SMARCA4: variants seen among roughly 807,000 people sequenced by gnomAD.
SMARCA4 encodes SWI/SNF related BAF chromatin remodeling complex subunit ATPase 4, also known as SWI/SNF-related matrix-associated actin-dependent regulator of chromatin subfamily A member 4.
A neutral mutation model predicts 193.9 loss-of-function variants in SMARCA4; 31 were observed. That is an observed-to-expected ratio of 0.16 (90% CI 0.12 to 0.22). The LOEUF (loss-of-function observed/expected upper bound fraction) is 0.22. Among genes scored for constraint, SMARCA4 ranks in the 10% least tolerant of loss-of-function variants. The pLI, the probability that SMARCA4 is intolerant of heterozygous loss-of-function variation, is 1.00. For synonymous variants in SMARCA4, 942 were observed against 933.1 expected, an observed-to-expected ratio of 1.01 and a Z score of -0.17; for missense variants, 1,148 against 2,296.0, an observed-to-expected ratio of 0.50 and a Z score of 10.22.
Position 10,984,309 on chromosome 19 carries a change from G to A in SMARCA4, c.158G>A (p.Gly53Glu), listed in dbSNP as rs1298750034. 1 of 1,606,978 alleles carries A rather than the reference G, an allele frequency of 6.2e-7. No homozygotes were observed. The change falls in exon 2 of 35, where the codon GGA (glycine) becomes GAA (glutamate). Residue 53 changes from glycine (G) to glutamate (E), a missense_variant. Gly to Glu is a moderately conservative substitution (Grantham distance 98). Transcript: ENST00000344626. The surrounding 1 kb of genome is among the most constrained non-coding windows in gnomAD (Gnocchi z 4.3). Reference sequence around the variant, plus strand: ...CCCAGCCCAGGGCCGCCCTCAGCAGGACACCCCATCCCCACCCAGGGGCCT... The same window carrying A: ...CCCAGCCCAGGGCCGCCCTCAGCAGAACACCCCATCCCCACCCAGGGGCCT... ...MGPSPGPPSA[G>E]HPIPTQGPGG...
intron 25 of SMARCA4, chr19:11,032,356 C>G (rs1473773668): frequency 6.6e-6 from 1 of 152,258 alleles, no homozygotes; most frequent in Non-Finnish European, 1.5e-5. Flanking sequence ...TCGTACTGTG[C>G]TGGGGTGATG....
At chr19:10,971,796 G>C (rs565947837) in intron 1 of SMARCA4, among the ~76,000 whole-genome samples, 17 of 148,366 alleles carry the variant, frequency 1.1e-4, no homozygotes, top group African/African-American at 3.7e-4. Flanking sequence ...TTTTTTGGAG[G>C]GGGGAGATGG....
At chr19:11,018,921 G>T (rs759387378) in intron 16 of SMARCA4, 36 bp from the exon 17 acceptor site, 101 of 1,582,750 alleles carry the variant, frequency 6.4e-5, no homozygotes, top group Non-Finnish European at 8.4e-5. Flanking sequence ...ATTGATGAGA[G>T]ACCGGCACTT....
chr19:11,060,428 G>A (rs1246877497), intron 34 of SMARCA4: 1 of 600,058 alleles, frequency 1.7e-6, no homozygotes, highest in Non-Finnish European at 3.0e-6. Context: ...TCTGGGGACT[G>A]GGGGACACGT....
rs762209441 is a variant in SMARCA4 at position 11,031,040 on chromosome 19, T to C, written c.3546+147T>C. The C allele has an allele frequency of 1.3e-5, 10 of 748,432 alleles. No homozygotes were observed. The highest frequency in any genetic ancestry group is 2.0e-5 in the Admixed American group (1 of 49,146). 46.4% of individuals were successfully genotyped at this position (748,432 alleles called of 1,614,324 possible). On this transcript the variant is annotated intron_variant, in intron 25 of 34. Transcript: ENST00000344626. The surrounding 1 kb of genome is among the most constrained non-coding windows in gnomAD (Gnocchi z 4.3). ...GGGAGGAGCTGCACCCATATCTCCATAGGTCATCAGGGAGAAAAGAGGCGG... is the reference window on the plus strand; with the variant it reads ...GGGAGGAGCTGCACCCATATCTCCACAGGTCATCAGGGAGAAAAGAGGCGG...
At position 11,041,417 on chromosome 19, in the gene SMARCA4, C is replaced by T. The variant is rs1240105869; in HGVS notation, c.4281C>T (p.Ser1427=). 1 of 1,612,260 alleles carries T rather than the reference C, an allele frequency of 6.2e-7. No individual in the cohort carries two copies. The highest frequency in any genetic ancestry group is 1.7e-5 in the Admixed American group (1 of 60,016). Residue 1427 remains serine (S), a synonymous_variant, in exon 30 of 35, where the codon AGC becomes AGT. Transcript: ENST00000344626. This position sits in a 1 kb window ranked among gnomAD's most constrained non-coding sequence, Gnocchi z 5.6. ...SDAGSSTPTT[S]TRSRDKDDES... is the part of the protein sequence containing the mutation. ...CCGGCTCCTCCACCCCGACCACCAG[C>T]ACCCGCAGCCGCGACAAGGACGACG...
intron 29 of SMARCA4, among the ~76,000 whole-genome samples, chr19:11,038,606 C>T (rs1210633023): frequency 6.6e-6 from 1 of 152,126 alleles, no homozygotes; most frequent in African/African-American, 2.4e-5. Flanking sequence ...CGTTTGTTAC[C>T]CCACTTGTGG....
At position 11,041,134 on chromosome 19, in the gene SMARCA4, A is replaced by G. The variant is rs1600463211; in HGVS notation, c.4171-173A>G. ...CAGTGCTGGTCTTTCACTGCAGCCC[A>G]GGCACCCCTTGAGAGTCCCAGTGTG... On this transcript the variant is annotated intron_variant, in intron 29 of 34. Transcript: ENST00000344626. The surrounding 1 kb of genome is among the most constrained non-coding windows in gnomAD (Gnocchi z 5.6). The G allele has an allele frequency of 4.4e-6, 3 of 676,906 alleles. No homozygotes were observed. The highest frequency in any genetic ancestry group is 1.8e-5 in the African/African-American group (1 of 55,726). 41.9% of individuals were successfully genotyped at this position (676,906 alleles called of 1,614,324 possible). A position where few individuals can be genotyped will look rare whatever the true frequency, so the allele number is the denominator to read the frequency against.
At chr19:11,001,013 C>T (rs1350592346) in intron 11 of SMARCA4, among the ~76,000 whole-genome samples, 2 of 152,044 alleles carry the variant, frequency 1.3e-5, no homozygotes, top group South Asian at 2.1e-4. Flanking sequence ...CAGTGGTACT[C>T]AGCCTCTGTT....
At chr19:11,013,847 C>A (rs940493171) in intron 16 of SMARCA4, among the ~76,000 whole-genome samples, 1 of 152,152 alleles carries the variant, frequency 6.6e-6, no homozygotes, top group Non-Finnish European at 1.5e-5. Context: ...GGGATCCGGA[C>A]ACCCTGAGAG....
At chr19:10,963,841 C>A (rs2084004984) in intron 1 of SMARCA4, among the ~76,000 whole-genome samples, 1 of 151,068 alleles carries the variant, frequency 6.6e-6, no homozygotes, top group Non-Finnish European at 1.5e-5. Context: ...TAGTCCCAAG[C>A]TCCTTGAGAG....
rs1046459370 is a variant in SMARCA4 at position 11,058,938 on chromosome 19, T to C, written c.4635+49T>C. The C allele has an allele frequency of 6.9e-7, 1 of 1,450,016 alleles. No individual in the cohort carries two copies. Among genetic ancestry groups the C allele is most frequent in the East Asian group, 2.3e-5 (1 of 43,996 alleles). 89.8% of individuals were successfully genotyped at this position (1,450,016 alleles called of 1,614,324 possible). A position where few individuals can be genotyped will look rare whatever the true frequency, so the allele number is the denominator to read the frequency against. ...GGATGGGCCACTCCCACAGCTGGGCTTTGACCCAACCCGCCCCTCCTTCCC... is the reference window on the plus strand; with the variant it reads ...GGATGGGCCACTCCCACAGCTGGGCCTTGACCCAACCCGCCCCTCCTTCCC... On this transcript the variant is annotated intron_variant, in intron 32 of 34. Transcript: ENST00000344626. The surrounding 1 kb of genome is among the most constrained non-coding windows in gnomAD (Gnocchi z 5.8).
intron 11 of SMARCA4, among the ~76,000 whole-genome samples, chr19:11,001,515 T>G (rs980641991): frequency 1.3e-5 from 2 of 152,044 alleles, no homozygotes; most frequent in African/African-American, 4.8e-5. Context: ...CCAGAGGAGT[T>G]CAATCAGAAT....
chr19:11,014,487 G>A (rs895087558), intron 16 of SMARCA4, among the ~76,000 whole-genome samples: 4 of 152,150 alleles, frequency 2.6e-5, no homozygotes, highest in African/African-American at 9.7e-5. Context: ...ACCTCCCCTC[G>A]TGGTCAGACC....
intron 1 of SMARCA4, among the ~76,000 whole-genome samples, chr19:10,962,784 C>G: frequency 6.6e-6 from 1 of 151,752 alleles, no homozygotes; most frequent in Non-Finnish European, 1.5e-5. Context: ...TTAAGGTGAT[C>G]CACCCACCTC....
intron 30 of SMARCA4, among the ~76,000 whole-genome samples, chr19:11,051,576 T>C (rs1021551839): frequency 5.3e-5 from 8 of 151,472 alleles, no homozygotes; most frequent in Admixed American, 2.6e-4. Context: ...CTGCAAATTC[T>C]GCCTCCTGGG....
intron 15 of SMARCA4, 30 bp from the exon 16 acceptor site, chr19:11,012,919 G>T (rs368253746): frequency 3.1e-4 from 493 of 1,613,494 alleles, no homozygotes; most frequent in Non-Finnish European, 3.9e-4. Context: ...CCGGCCTTCA[G>T]TCCTGGCGTG....
At chr19:11,025,598 CAG>C in intron 22 of SMARCA4, 90 bp downstream of exon 22, 1 of 908,460 alleles carries the variant, frequency 1.1e-6, no homozygotes, top group South Asian at 1.3e-5. Context: ...TCTTTAAAAA[CAG>C]ACTCGAATAT....
chr19:10,973,687 A>G (rs1399575247), intron 1 of SMARCA4, among the ~76,000 whole-genome samples: 1 of 149,830 alleles, frequency 6.7e-6, no homozygotes, highest in Non-Finnish European at 1.5e-5. Flanking sequence ...CTCCTGCCTC[A>G]GCCTCCCGAG....
Sources: allele counts gnomAD v4.1 joint callset (sites outside exome capture counted in the v4.1 genomes callset), GRCh38; gene constraint gnomAD v4.1.1; non-coding constraint Gnocchi (gnomAD v3.1); transcripts MANE v1.5; gene names NCBI Gene and HGNC (gene_info 2026-07-23, HGNC 2026-07-21).